Variants in ADGRB3 observed in about 807,000 individuals in gnomAD.
ADGRB3 encodes the protein brain-specific angiogenesis inhibitor 3.
In ADGRB3, 37 loss-of-function variants were observed where a neutral mutation model predicts 193.4. That is an observed-to-expected ratio of 0.19 (90% CI 0.15 to 0.25). The LOEUF (loss-of-function observed/expected upper bound fraction) is 0.25. ADGRB3 is among the 10% of genes least tolerant of loss of function. The pLI is 1.00. For synonymous variants in ADGRB3, 690 were observed against 644.2 expected (o/e 1.07, Z -1.08); for missense variants, 1,637 against 1,852.9 (o/e 0.88, Z 2.14).
At chr6:69,079,182 A>G (rs978171415) in intron 17 of ADGRB3, among the ~76,000 whole-genome samples, 2 of 152,066 alleles carry the variant, frequency 1.3e-5, no homozygotes, top group African/African-American at 4.8e-5. Flanking sequence ...TAGACAAAAC[A>G]TCTTTAGACA....
intron 3 of ADGRB3, among the ~76,000 whole-genome samples, chr6:68,886,303 A>G (rs1441515000): frequency 2.6e-5 from 4 of 152,096 alleles, no homozygotes; most frequent in East Asian, 1.9e-4. Flanking sequence ...TACCAAACCT[A>G]AAGTATAGTA....
intron 3 of ADGRB3, among the ~76,000 whole-genome samples, chr6:68,670,051 G>T (rs1768906641): frequency 6.6e-6 from 1 of 151,886 alleles, no homozygotes; most frequent in African/African-American, 2.4e-5. Context: ...ATGTCTGTTT[G>T]CCATTTGTGT....
chr6:69,087,667 A>G (rs1002812905), intron 17 of ADGRB3, among the ~76,000 whole-genome samples: 3 of 152,186 alleles, frequency 2.0e-5, no homozygotes, highest in Non-Finnish European at 4.4e-5. Flanking sequence ...TTGTTATAGC[A>G]GCCCAAATGA....
At chr6:68,959,426 T>A (rs1249289606) in intron 8 of ADGRB3, among the ~76,000 whole-genome samples, 1 of 152,174 alleles carries the variant, frequency 6.6e-6, no homozygotes, top group Non-Finnish European at 1.5e-5. Flanking sequence ...TTAATTTTTC[T>A]TCAAGTTGCT....
At chr6:68,823,407 G>T (rs1393770401) in intron 3 of ADGRB3, among the ~76,000 whole-genome samples, 1 of 151,806 alleles carries the variant, frequency 6.6e-6, no homozygotes, top group Non-Finnish European at 1.5e-5. Context: ...TACATAGATA[G>T]ATACATATAT....
chr6:69,093,990 G>T (rs1772793025), intron 17 of ADGRB3, among the ~76,000 whole-genome samples: 1 of 152,180 alleles, frequency 6.6e-6, no homozygotes, highest in Non-Finnish European at 1.5e-5. Flanking sequence ...TAGTGATGGG[G>T]AAATTGAACT....
intron 3 of ADGRB3, among the ~76,000 whole-genome samples, chr6:68,759,764 T>C (rs73745852): frequency 0.053 from 7,998 of 152,052 alleles, 256 homozygotes; most frequent in South Asian, 0.08. Context: ...TATGTAAAAA[T>C]GAAATTTCTT....
At chr6:69,293,142 T>C (rs1038038249) in intron 20 of ADGRB3, among the ~76,000 whole-genome samples, 4 of 152,228 alleles carry the variant, frequency 2.6e-5, no homozygotes, top group African/African-American at 9.6e-5. Flanking sequence ...CCCATACATC[T>C]ATGTCTCATG....
At chr6:69,011,635 A>G (rs1346487865) in intron 11 of ADGRB3, among the ~76,000 whole-genome samples, 3 of 152,074 alleles carry the variant, frequency 2.0e-5, no homozygotes, top group Non-Finnish European at 4.4e-5. Flanking sequence ...ATCTAAAATT[A>G]AAGTTGGAAA....
rs1477095210 is a variant in ADGRB3, at chr6:68,772,886, AAAAAAAAAATAT to A, written c.757+133456_757+133467del. 2.3e-3 allele frequency among the ~76,000 whole-genome samples: 95 copies of A among 41,526 alleles called. 1 individual carries two copies. The highest frequency in any genetic ancestry group is 0.012 in the East Asian group (11 of 930). The allele number at this position is 41,526 out of a possible 152,430, so 27.2% of individuals were successfully genotyped here. A position where few individuals can be genotyped will look rare whatever the true frequency, so the allele number is the denominator to read the frequency against. On this transcript the variant is annotated intron_variant, in intron 3 of 31. Transcript: ENST00000370598. ...ACAAACAAACAAACAAACAAACAAA[AAAAAAAAAATAT>A]ATATATATATATATATATATATATA...
At chr6:69,311,698 C>T (rs1255177072) in intron 20 of ADGRB3, among the ~76,000 whole-genome samples, 1 of 151,670 alleles carries the variant, frequency 6.6e-6, no homozygotes, top group Non-Finnish European at 1.5e-5. Flanking sequence ...TTCTTCCTTT[C>T]TACCTGTTTC....
At chr6:69,102,585 C>G (rs998005267) in intron 17 of ADGRB3, among the ~76,000 whole-genome samples, 2 of 152,132 alleles carry the variant, frequency 1.3e-5, no homozygotes, top group Non-Finnish European at 2.9e-5. Context: ...GGAGCAGAGG[C>G]ATTCATGTCA....
chr6:68,858,830 A>C (rs911263123), intron 3 of ADGRB3, among the ~76,000 whole-genome samples: 3 of 152,136 alleles, frequency 2.0e-5, no homozygotes, highest in Admixed American at 2.0e-4. Context: ...GGCCTGGCCA[A>C]CAAAACCATT....
intron 17 of ADGRB3, among the ~76,000 whole-genome samples, chr6:69,177,586 T>A (rs2096448233): frequency 6.6e-6 from 1 of 152,130 alleles, no homozygotes; most frequent in African/African-American, 2.4e-5. Flanking sequence ...GACCTCGTGA[T>A]CCACCCGCCT....
intron 6 of ADGRB3, among the ~76,000 whole-genome samples, chr6:68,948,056 G>A (rs1312760722): frequency 1.3e-5 from 2 of 152,092 alleles, no homozygotes; most frequent in Admixed American, 6.6e-5. Context: ...GATGCTGTTC[G>A]GAAGGTGTGA....
intron 17 of ADGRB3, among the ~76,000 whole-genome samples, chr6:69,221,887 A>G (rs1765906142): frequency 6.6e-6 from 1 of 152,094 alleles, no homozygotes; most frequent in South Asian, 2.1e-4. Flanking sequence ...TTTTCTGTTC[A>G]TATTTTACTG....
chr6:68,749,394 T>TTA lies in ADGRB3; in HGVS notation c.757+109976_757+109977dup, dbSNP rs1447436271. 4.0e-3 allele frequency among the ~76,000 whole-genome samples: 549 copies of TTA among 137,300 alleles called. 3 individuals carry two copies. Among genetic ancestry groups the TTA allele is most frequent in the African/African-American group, 0.013 (469 of 35,904 alleles). The allele number at this position is 137,300 out of a possible 152,430, so 90.1% of individuals were successfully genotyped here. On this transcript the variant is annotated intron_variant, in intron 3 of 31. Coordinates refer to ENST00000370598, the MANE Select transcript of ADGRB3 (RefSeq NM_001704.3). ...AAGTTAATACTTAATAAACTCCCCT[T>TTA]TATATATATATATATGTGTGTGTGT...
chr6:69,157,402 T>C (rs1031473159), intron 17 of ADGRB3, among the ~76,000 whole-genome samples: 5 of 152,200 alleles, frequency 3.3e-5, no homozygotes, highest in African/African-American at 4.8e-5. Context: ...AGGTTGTACA[T>C]TGCTCAAAGA....
At chr6:69,171,854 C>G (rs1014659461) in intron 17 of ADGRB3, among the ~76,000 whole-genome samples, 27 of 152,226 alleles carry the variant, frequency 1.8e-4, no homozygotes, top group African/African-American at 2.4e-5. Flanking sequence ...TTTTTTCTTC[C>G]TCAGTAATGC....
Sources: gnomAD v4.1 joint callset for allele counts (sites outside exome capture counted in the v4.1 genomes callset) on GRCh38, gnomAD v4.1.1 for gene constraint, MANE v1.5 for transcripts, NCBI Gene and HGNC (gene_info 2026-07-23, HGNC 2026-07-21) for gene names.